The following VWC2L variants were observed in gnomAD, a reference collection of about 807,000 sequenced individuals.
VWC2L encodes von Willebrand factor C domain containing 2 like, also known as von Willebrand factor C domain-containing protein 2-like.
Under a neutral mutation model 21.6 loss-of-function variants are expected in VWC2L, and 10 were observed. That is an observed-to-expected ratio of 0.46 (90% CI 0.29 to 0.78). The LOEUF (loss-of-function observed/expected upper bound fraction) is 0.78. Ranked by LOEUF, VWC2L falls within the 30% of genes least tolerant of loss-of-function variation. The pLI, the probability that VWC2L is intolerant of heterozygous loss-of-function variation, is 0.10. For missense variants in VWC2L, 209 were observed against 277.1 expected (o/e 0.75, Z 1.74); for synonymous variants, 96 against 94.3 (o/e 1.02, Z -0.10).
chr2:214,424,259 G>C (rs565876100), intron 2 of VWC2L, among the ~76,000 whole-genome samples: 4 of 152,196 alleles, frequency 2.6e-5, no homozygotes, highest in Admixed American at 1.3e-4. Context: ...GTTCATAAGG[G>C]TTTCAGTTAT....
At chr2:214,437,487 T>C (rs1438438342) in intron 3 of VWC2L, among the ~76,000 whole-genome samples, 3 of 152,088 alleles carry the variant, frequency 2.0e-5, no homozygotes, top group Admixed American at 6.6e-5. Context: ...ACAAAGCCAA[T>C]AGCGCACTTT....
intron 3 of VWC2L, among the ~76,000 whole-genome samples, chr2:214,532,174 G>A (rs545620272): frequency 2.9e-4 from 44 of 152,148 alleles, no homozygotes; most frequent in African/African-American, 1.0e-3. Context: ...TGATCACATA[G>A]GAAATGCCTA....
Position 214,558,741 on chromosome 2 carries a change from G to A in VWC2L, c.521-16931G>A, listed in dbSNP as rs568276028. On this transcript the variant is annotated intron_variant, in intron 3 of 3. Transcript: ENST00000312504. ...CCACATTAAAACCAGCGTCATCTAT[G>A]TAAAAAGTAAATTGGTTATGTCGTG... Among the ~76,000 whole-genome samples, 16 of 151,156 alleles carry A rather than the reference G, an allele frequency of 1.1e-4. No individual in the cohort carries two copies. In the South Asian group the frequency reaches 1.9e-3, roughly 18 times the overall value.
intron 3 of VWC2L, among the ~76,000 whole-genome samples, chr2:214,526,853 T>C (rs1689347159): frequency 6.6e-6 from 1 of 152,190 alleles, no homozygotes; most frequent in African/African-American, 2.4e-5. Context: ...ATCCCATTAC[T>C]GCATATATAA....
At chr2:214,474,803 T>C (rs949539790) in intron 3 of VWC2L, among the ~76,000 whole-genome samples, 6 of 152,154 alleles carry the variant, frequency 3.9e-5, no homozygotes, top group African/African-American at 9.7e-5. Flanking sequence ...ATGCTCCACA[T>C]AGTTGCCGGC....
At chr2:214,456,631 GT>G (rs1429643589) in intron 3 of VWC2L, among the ~76,000 whole-genome samples, 2 of 151,922 alleles carry the variant, frequency 1.3e-5, no homozygotes, top group Non-Finnish European at 2.9e-5. Context: ...CTTTTGAGGC[GT>G]TAGCCATAAA....
intron 3 of VWC2L, among the ~76,000 whole-genome samples, chr2:214,506,306 A>G (rs1321323966): frequency 1.3e-5 from 2 of 152,188 alleles, no homozygotes; most frequent in Admixed American, 6.5e-5. Context: ...TAATACAAAA[A>G]TACCAATGAA....
At chr2:214,492,563 G>C (rs917704448) in intron 3 of VWC2L, among the ~76,000 whole-genome samples, 1 of 152,150 alleles carries the variant, frequency 6.6e-6, no homozygotes, top group African/African-American at 2.4e-5. Context: ...ATGGAGAAGA[G>C]ACTATATCTA....
At chr2:214,463,251 T>G (rs1703167345) in intron 3 of VWC2L, among the ~76,000 whole-genome samples, 1 of 152,174 alleles carries the variant, frequency 6.6e-6, no homozygotes, top group Non-Finnish European at 1.5e-5. Flanking sequence ...ATTTAACAGT[T>G]TTATTAACTT....
At chr2:214,420,557 C>G (rs948601445) in intron 2 of VWC2L, among the ~76,000 whole-genome samples, 1 of 151,988 alleles carries the variant, frequency 6.6e-6, no homozygotes, top group African/African-American at 2.4e-5. Context: ...CAAAGGAGTA[C>G]AAAAAGCATA....
intron 3 of VWC2L, among the ~76,000 whole-genome samples, chr2:214,445,745 T>C (rs1702828444): frequency 6.6e-6 from 1 of 152,016 alleles, no homozygotes; most frequent in Non-Finnish European, 1.5e-5. Flanking sequence ...ATTATCCTTG[T>C]GATTTAAAAT....
chr2:214,440,578 A>G (rs1702750946), intron 3 of VWC2L, among the ~76,000 whole-genome samples: 1 of 152,096 alleles, frequency 6.6e-6, no homozygotes, highest in South Asian at 2.1e-4. Flanking sequence ...AATATTTCAA[A>G]CATTGGAAAC....
At chr2:214,557,415 GGGAGC>G (rs1689890966) in intron 3 of VWC2L, among the ~76,000 whole-genome samples, 2 of 152,056 alleles carry the variant, frequency 1.3e-5, no homozygotes, top group Non-Finnish European at 2.9e-5. Context: ...TGTGAATCAT[GGGAGC>G]TACAATTCAA....
intron 3 of VWC2L, among the ~76,000 whole-genome samples, chr2:214,458,934 A>G (rs574979534): frequency 6.6e-6 from 1 of 152,210 alleles, no homozygotes; most frequent in East Asian, 1.9e-4. Flanking sequence ...TGTTAGGTCC[A>G]TTTGGTCTAA....
At chr2:214,523,166 ATTTCAT>A (rs1338583118) in intron 3 of VWC2L, among the ~76,000 whole-genome samples, 1 of 152,292 alleles carries the variant, frequency 6.6e-6, no homozygotes, top group South Asian at 2.1e-4. Flanking sequence ...CCATTGCCTT[ATTTCAT>A]TTTAACTCCA....
At chr2:214,508,037 C>T (rs1314986845) in intron 3 of VWC2L, among the ~76,000 whole-genome samples, 2 of 152,066 alleles carry the variant, frequency 1.3e-5, no homozygotes, top group Non-Finnish European at 2.9e-5. Flanking sequence ...AGTGCAGTGG[C>T]GTGATCTCGG....
chr2:214,544,614 T>C (rs1193012935), intron 3 of VWC2L, among the ~76,000 whole-genome samples: 1 of 152,076 alleles, frequency 6.6e-6, no homozygotes, highest in Non-Finnish European at 1.5e-5. Flanking sequence ...ACCAAACAAG[T>C]GATTGAATAA....
intron 2 of VWC2L, among the ~76,000 whole-genome samples, chr2:214,422,866 T>A (rs1374872298): frequency 6.6e-6 from 1 of 152,210 alleles, no homozygotes; most frequent in East Asian, 1.9e-4. Flanking sequence ...TATAAAGTTG[T>A]CTACAGGGTA....
chr2:214,563,641 C>A (rs1039388784), intron 3 of VWC2L, among the ~76,000 whole-genome samples: 1 of 149,582 alleles, frequency 6.7e-6, no homozygotes, highest in Non-Finnish European at 1.5e-5. Flanking sequence ...CCATTAACAT[C>A]CCTTCATGTT....
Sources: allele counts gnomAD v4.1 joint callset (sites outside exome capture counted in the v4.1 genomes callset), GRCh38; gene constraint gnomAD v4.1.1; transcripts MANE v1.5; gene names NCBI Gene and HGNC (gene_info 2026-07-23, HGNC 2026-07-21).